The following KDM7A variants were observed in gnomAD, a reference collection of about 807,000 sequenced individuals.
KDM7A encodes the protein lysine-specific demethylase 7A.
A neutral mutation model predicts 114.8 loss-of-function variants in KDM7A; 28 were observed. The observed-to-expected ratio is 0.24, with a 90% confidence interval of 0.18 to 0.33. The LOEUF (loss-of-function observed/expected upper bound fraction) is 0.33, where lower values mean the gene tolerates loss of function less well. Ranked by LOEUF, KDM7A falls within the 10% of genes least tolerant of loss-of-function variation. The pLI, the probability that KDM7A is intolerant of heterozygous loss-of-function variation, is 1.00. For missense variants in KDM7A, 942 were observed against 1,142.5 expected, an observed-to-expected ratio of 0.82 and a Z score of 2.53; for synonymous variants, 423 against 397.8, an observed-to-expected ratio of 1.06 and a Z score of -0.75.
intron 1 of KDM7A, among the ~76,000 whole-genome samples, chr7:140,162,995 CCTTT>C (rs1376419117): frequency 6.7e-6 from 1 of 148,178 alleles, no homozygotes; most frequent in Non-Finnish European, 1.5e-5. Context: ...GCTTTTCTTT[CCTTT>C]TTTTTTTTTT....
intron 18 of KDM7A, 134 bp downstream of exon 18, chr7:140,093,922 G>T: frequency 1.5e-6 from 1 of 678,970 alleles, no homozygotes; most frequent in Non-Finnish European, 2.7e-6. Flanking sequence ...GTTCAAATGT[G>T]CATTTAACTG....
At chr7:140,116,067 C>T (rs1818524596) in intron 9 of KDM7A, among the ~76,000 whole-genome samples, 1 of 152,082 alleles carries the variant, frequency 6.6e-6, no homozygotes, top group African/African-American at 2.4e-5. Context: ...AACTCTCTTG[C>T]CCTGCCATGG....
chr7:140,111,258 C>T, intron 10 of KDM7A, 74 bp from the exon 11 acceptor site: 1 of 943,606 alleles, frequency 1.1e-6, no homozygotes, highest in East Asian at 2.5e-5. Context: ...ATTTACTAAA[C>T]CAATTTTTGG....
intron 17 of KDM7A, among the ~76,000 whole-genome samples, chr7:140,095,076 A>C (rs1818083696): frequency 6.6e-6 from 1 of 152,088 alleles, no homozygotes; most frequent in South Asian, 2.1e-4. Context: ...TTGAACTTCC[A>C]ACCTCAGGTG....
At chr7:140,157,520 G>C (rs1465742132) in intron 1 of KDM7A, among the ~76,000 whole-genome samples, 1 of 152,126 alleles carries the variant, frequency 6.6e-6, no homozygotes, top group Non-Finnish European at 1.5e-5. Context: ...TGGGTGTGTT[G>C]GTGCATGCCT....
In KDM7A at chr7:140,109,755, A is replaced by G. The variant is rs181887719; in HGVS notation, c.1428+1340T>C. 1.1e-3 allele frequency among the ~76,000 whole-genome samples: 166 copies of G among 152,292 alleles called. 2 individuals carry two copies. The highest frequency in any genetic ancestry group is 2.5e-3 in the Admixed American group (38 of 15,292). On this transcript the variant is annotated intron_variant, in intron 11 of 19. Transcript: ENST00000397560. ...ACACACCTCTCTTAAACATGCACATACCTCCCTTTCCTTCAATATTCAGTA... is the reference window on the plus strand; with the variant it reads ...ACACACCTCTCTTAAACATGCACATGCCTCCCTTTCCTTCAATATTCAGTA...
rs1562954818 is a variant in KDM7A, at chr7:140,133,674, T to C, written c.281-18A>G. ...TTTTTTCACTGGATTTTTAAAAGAT[T>C]AAAAAAAAATGATTTTGGTAACTGG... On this transcript the variant is annotated intron_variant, in intron 2 of 19. Transcript: ENST00000397560. 2.9e-6 allele frequency: 4 copies of C among 1,381,784 alleles called. No individual in the cohort carries two copies. The South Asian group carries it at 4.8e-5, about 17-fold the overall frequency. 85.6% of individuals were successfully genotyped at this position (1,381,784 alleles called of 1,614,324 possible). A position where few individuals can be genotyped will look rare whatever the true frequency, so the allele number is the denominator to read the frequency against.
chr7:140,109,668 A>ATATTT (rs1818400748), intron 11 of KDM7A, among the ~76,000 whole-genome samples: 2 of 152,324 alleles, frequency 1.3e-5, no homozygotes. Flanking sequence ...TGATATGTTT[A>ATATTT]TACTGTTTTC....
At chr7:140,175,923 G>A (rs943600834) in intron 1 of KDM7A, among the ~76,000 whole-genome samples, 2 of 152,100 alleles carry the variant, frequency 1.3e-5, no homozygotes, top group Non-Finnish European at 1.5e-5. Flanking sequence ...GGCAACGCAG[G>A]GGGTCCGGAG....
chr7:140,094,174 A>C (rs1395293412), intron 17 of KDM7A, 36 bp from the exon 18 acceptor site: 8 of 1,274,170 alleles, frequency 6.3e-6, no homozygotes, highest in Non-Finnish European at 9.2e-6. Context: ...ACTTTGCACA[A>C]ACTTGATTTG....
chr7:140,128,695 G>A (rs144167419), intron 4 of KDM7A, among the ~76,000 whole-genome samples: 301 of 152,296 alleles, frequency 2.0e-3, no homozygotes, highest in South Asian at 8.7e-3. Flanking sequence ...TCAACCAATG[G>A]CTCGATAAAG....
rs544121354 is a variant in KDM7A at position 140,086,022 on chromosome 7, A to C, written c.*5072T>G. Reference sequence around the variant, plus strand: ...TTGTTTTGGTGAAAAATCTTGGAGGAAAACAGCTGACATTTTGAAAAAGAA... The same window carrying C: ...TTGTTTTGGTGAAAAATCTTGGAGGCAAACAGCTGACATTTTGAAAAAGAA... On this transcript the variant is annotated 3_prime_UTR_variant, in exon 20 of 20. Transcript: ENST00000397560. The C allele has an allele frequency of 3.9e-5, 6 of 152,318 alleles. No individual in the cohort carries two copies. The highest frequency in any genetic ancestry group is 2.6e-4 in the Admixed American group (4 of 15,294). 9.4% of individuals were successfully genotyped at this position (152,318 alleles called of 1,614,324 possible). A position where few individuals can be genotyped will look rare whatever the true frequency, so the allele number is the denominator to read the frequency against.
intron 1 of KDM7A, among the ~76,000 whole-genome samples, chr7:140,160,454 A>G (rs1442534770): frequency 6.6e-6 from 1 of 152,226 alleles, no homozygotes; most frequent in East Asian, 1.9e-4. Context: ...GGTAAGGGGT[A>G]GGGCTGCAAA....
intron 1 of KDM7A, among the ~76,000 whole-genome samples, chr7:140,156,225 AAAGT>A (rs1407090250): frequency 1.3e-5 from 2 of 152,224 alleles, no homozygotes; most frequent in African/African-American, 2.4e-5. Flanking sequence ...ACTATTCAAT[AAAGT>A]AAGAAAGCAG....
At chr7:140,131,671 CT>C (rs1204055786) in intron 3 of KDM7A, among the ~76,000 whole-genome samples, 2 of 152,228 alleles carry the variant, frequency 1.3e-5, no homozygotes, top group Non-Finnish European at 2.9e-5. Flanking sequence ...CCCCCAACCT[CT>C]GAGGATTAAA....
chr7:140,160,084 T>C (rs1794501869), intron 1 of KDM7A, among the ~76,000 whole-genome samples: 1 of 152,182 alleles, frequency 6.6e-6, no homozygotes, highest in East Asian at 1.9e-4. Context: ...TTCTTACACC[T>C]ATTAAAATGT....
chr7:140,133,704 A>G, intron 2 of KDM7A, 48 bp from the exon 3 acceptor site: 1 of 985,872 alleles, frequency 1.0e-6, no homozygotes, highest in South Asian at 1.4e-5. Context: ...AACTGGTGAT[A>G]CTATGTGATT....
rs1585156971 is a variant in KDM7A at position 140,137,491 on chromosome 7, C to A, written c.280+1614G>T. On this transcript the variant is annotated intron_variant, in intron 2 of 19. Coordinates refer to ENST00000397560, the MANE Select transcript of KDM7A (RefSeq NM_030647.2). ...AGTTAAGTCTCCCTTGAGATAACAT[C>A]ATATTATTTATTTACTTTCTCCAAG... 4.6e-5 allele frequency among the ~76,000 whole-genome samples: 7 copies of A among 152,280 alleles called. No homozygotes were observed. In the South Asian group the frequency reaches 1.5e-3, roughly 32 times the overall value.
intron 1 of KDM7A, among the ~76,000 whole-genome samples, chr7:140,154,646 G>C (rs1040315134): frequency 5.9e-5 from 9 of 151,976 alleles, no homozygotes; most frequent in Non-Finnish European, 1.2e-4. Flanking sequence ...ATACTTCTCA[G>C]TGAATTTAAC....
Sources: allele counts gnomAD v4.1 joint callset (sites outside exome capture counted in the v4.1 genomes callset), GRCh38; gene constraint gnomAD v4.1.1; transcripts MANE v1.5; gene names NCBI Gene and HGNC (gene_info 2026-07-23, HGNC 2026-07-21).